Variants in COLGALT2 observed in about 807,000 individuals in gnomAD.
COLGALT2 encodes the protein collagen beta(1-O)galactosyltransferase 2.
COLGALT2 carries 49 observed loss-of-function variants against 73.4 expected under a neutral mutation model. The ratio of observed to expected loss-of-function variants is 0.67; its 90% CI spans 0.53 to 0.85. The LOEUF is 0.85. Ranked by LOEUF, COLGALT2 falls within the 40% of genes least tolerant of loss-of-function variation. The probability of loss-of-function intolerance (pLI) is 0.00; values close to 1 mark genes in which losing one functional copy is unlikely to be tolerated. For missense variants in COLGALT2, 722 were observed against 790.2 expected (o/e 0.91, Z 1.03); for synonymous variants, 295 against 307.6 (o/e 0.96, Z 0.43).
At chr1:183,948,200 A>C (rs868425771) in intron 8 of COLGALT2, among the ~76,000 whole-genome samples, 190 of 152,296 alleles carry the variant, frequency 1.2e-3, no homozygotes, top group African/African-American at 4.4e-3. Flanking sequence ...TCCAAAAAAA[A>C]AGAGGAGGAG....
intron 6 of COLGALT2, among the ~76,000 whole-genome samples, chr1:183,960,520 T>G (rs1321573957): frequency 2.0e-5 from 3 of 152,222 alleles, no homozygotes; most frequent in Admixed American, 6.5e-5. Context: ...CATCTGTCTG[T>G]TTCTCCTATT....
intron 1 of COLGALT2, among the ~76,000 whole-genome samples, chr1:184,007,039 A>C (rs1348830066): frequency 6.6e-6 from 1 of 152,258 alleles, no homozygotes; most frequent in Non-Finnish European, 1.5e-5. Flanking sequence ...TTGAGGAAGC[A>C]GTGTTAGCCA....
At chr1:183,980,702 A>C (rs1671326228) in intron 1 of COLGALT2, among the ~76,000 whole-genome samples, 1 of 152,100 alleles carries the variant, frequency 6.6e-6, no homozygotes. Context: ...AGTTCTTCTA[A>C]TATTGCAAGT....
intron 1 of COLGALT2, among the ~76,000 whole-genome samples, chr1:183,980,707 G>A (rs528342347): frequency 6.6e-6 from 1 of 151,900 alleles, no homozygotes; most frequent in Non-Finnish European, 1.5e-5. Context: ...TTCTAATATT[G>A]CAAGTATAAT....
intron 7 of COLGALT2, among the ~76,000 whole-genome samples, chr1:183,952,251 G>A (rs970207697): frequency 2.0e-5 from 3 of 152,200 alleles, no homozygotes; most frequent in Non-Finnish European, 4.4e-5. Context: ...AACTGCCAGT[G>A]AGAAATGAGG....
At chr1:184,037,052 CCCCG>C (rs1260608540) in intron 1 of COLGALT2, 39 bp downstream of exon 1, 1 of 1,405,478 alleles carries the variant, frequency 7.1e-7, no homozygotes, top group Admixed American at 3.4e-5. Context: ...GGCAGGCCGC[CCCCG>C]CGTCCCGCCG....
Position 183,938,562 on chromosome 1 carries a change from G to T in COLGALT2, c.*199C>A. The T allele has an allele frequency of 7.1e-7, 1 of 1,417,820 alleles. No homozygotes were observed. 87.8% of individuals were successfully genotyped at this position (1,417,820 alleles called of 1,614,324 possible). On this transcript the variant is annotated 3_prime_UTR_variant, in exon 12 of 12. Coordinates refer to ENST00000361927, the MANE Select transcript of COLGALT2 (RefSeq NM_015101.4). The stretch of plus-strand genomic sequence containing the variant: ...AAAACCTGTCTTTCAGCCGTCTTGG[G>T]AAATTTGGGTTGAATTTCCTTATTT...
chr1:183,933,076 A>G (rs1669879390), downstream of COLGALT2, among the ~76,000 whole-genome samples: 1 of 152,196 alleles, frequency 6.6e-6, no homozygotes, highest in Non-Finnish European at 1.5e-5. Flanking sequence ...GGTTCAACTC[A>G]ACACCAACTC....
chr1:184,017,889 T>A (rs1649056829), intron 1 of COLGALT2, among the ~76,000 whole-genome samples: 1 of 152,184 alleles, frequency 6.6e-6, no homozygotes, highest in Non-Finnish European at 1.5e-5. Context: ...ACTACTACTA[T>A]GTGTTTCACA....
rs1327792321 is a variant in COLGALT2 at position 183,944,258 on chromosome 1, A to G, written c.1335T>C (p.Phe445=). Residue 445 remains phenylalanine, a synonymous_variant, in exon 10 of 12, where the codon TTT becomes TTC. Coordinates refer to ENST00000361927, the MANE Select transcript of COLGALT2 (RefSeq NM_015101.4). ...CCATCAGCTTCATCAGCTTCTTCTT[A>G]AACTGATGCTCAAAACGCACATCGT... ...IEDDVRFEHQ[F]KKKLMKLMDN... 3 of 1,613,954 alleles carry G rather than the reference A, an allele frequency of 1.9e-6. No homozygotes were observed. In the East Asian group the frequency reaches 6.7e-5, roughly 36 times the overall value.
chr1:184,018,435 C>G (rs1572680657), intron 1 of COLGALT2, among the ~76,000 whole-genome samples: 2 of 152,210 alleles, frequency 1.3e-5, no homozygotes, highest in Non-Finnish European at 2.9e-5. Flanking sequence ...ATTAATTGTT[C>G]TAACTGGTGT....
At position 183,936,530 on chromosome 1, in the gene COLGALT2, A is replaced by T. The variant is rs1445909202; in HGVS notation, c.*2231T>A. On this transcript the variant is annotated 3_prime_UTR_variant, in exon 12 of 12. Coordinates refer to ENST00000361927, the MANE Select transcript of COLGALT2 (RefSeq NM_015101.4). Reference sequence around the variant, plus strand: ...CCAGCTGACAGGGGAACAGGAAAAAAAAAATTCTCTATTAAACAAAACACC... The same window carrying T: ...CCAGCTGACAGGGGAACAGGAAAAATAAAATTCTCTATTAAACAAAACACC... The T allele has an allele frequency of 9.6e-7, 1 of 1,046,214 alleles. No individual in the cohort carries two copies. Among genetic ancestry groups the T allele is most frequent in the Admixed American group, 5.6e-5 (1 of 17,922 alleles). The allele number at this position is 1,046,214 out of a possible 1,614,324, so 64.8% of individuals were successfully genotyped here. A position where few individuals can be genotyped will look rare whatever the true frequency, so the allele number is the denominator to read the frequency against.
intron 1 of COLGALT2, among the ~76,000 whole-genome samples, chr1:183,999,024 A>G (rs1671844741): frequency 1.3e-5 from 2 of 151,966 alleles, no homozygotes; most frequent in South Asian, 4.2e-4. Flanking sequence ...TTCCTTTCTA[A>G]TTTTTAACCT....
At chr1:183,965,834 T>G (rs1007659950) in intron 5 of COLGALT2, among the ~76,000 whole-genome samples, 2 of 152,194 alleles carry the variant, frequency 1.3e-5, no homozygotes, top group Admixed American at 6.5e-5. Context: ...TGACCAAGCT[T>G]GGAGTTAGGC....
chr1:184,007,602 T>A (rs1672120167), intron 1 of COLGALT2, among the ~76,000 whole-genome samples: 1 of 152,100 alleles, frequency 6.6e-6, no homozygotes, highest in Non-Finnish European at 1.5e-5. Flanking sequence ...TGTGGGTAGG[T>A]CTTGCCCTCC....
In COLGALT2 at chr1:183,973,754, G is replaced by C. The variant is rs763734640; in HGVS notation, c.493-4C>G. The C allele has an allele frequency of 1.4e-5, 22 of 1,612,692 alleles. No homozygotes were observed. In the East Asian group the frequency reaches 4.7e-4, roughly 34 times the overall value. On this transcript the variant is annotated splice_region_variant and splice_polypyrimidine_tract_variant and intron_variant, in intron 3 of 11. Transcript: ENST00000361927. The stretch of plus-strand genomic sequence containing the variant: ...GGAAATTGTCAACATCTATGAACTA[G>C]GAAAAGAAAAGGATAATGTTAGGTG...
chr1:183,942,471 T>C (rs1211656389), intron 10 of COLGALT2, among the ~76,000 whole-genome samples: 1 of 152,256 alleles, frequency 6.6e-6, no homozygotes, highest in Non-Finnish European at 1.5e-5. Flanking sequence ...TTTTTACCTT[T>C]TTAATGTGAT....
intron 1 of COLGALT2, among the ~76,000 whole-genome samples, chr1:184,034,428 A>G (rs1649609885): frequency 6.6e-6 from 1 of 152,144 alleles, no homozygotes; most frequent in Admixed American, 6.5e-5. Flanking sequence ...ATATCCATAC[A>G]ACTGCCCCAA....
At chr1:184,028,657 G>A (rs1168026235) in intron 1 of COLGALT2, among the ~76,000 whole-genome samples, 1 of 152,100 alleles carries the variant, frequency 6.6e-6, no homozygotes, top group Non-Finnish European at 1.5e-5. Context: ...ATGAAATCAG[G>A]TACTCATGAA....
Sources: allele counts gnomAD v4.1 joint callset (sites outside exome capture counted in the v4.1 genomes callset), GRCh38; gene constraint gnomAD v4.1.1; transcripts MANE v1.5; gene names NCBI Gene and HGNC (gene_info 2026-07-23, HGNC 2026-07-21).